Variants in TMEM132D observed in about 807,000 individuals in gnomAD.
TMEM132D encodes mature OL transmembrane protein.
Under a neutral mutation model 62.3 loss-of-function variants are expected in TMEM132D, and 21 were observed. The observed-to-expected ratio is 0.34, with a 90% CI of 0.24 to 0.49. TMEM132D has a LOEUF of 0.49. TMEM132D is among the 20% of genes least tolerant of loss of function. The probability of loss-of-function intolerance (pLI) is 0.99; values close to 1 mark genes in which losing one functional copy is unlikely to be tolerated. For synonymous variants in TMEM132D, 621 were observed against 575.6 expected (o/e 1.08, Z -1.13); for missense variants, 1,346 against 1,402.8 (o/e 0.96, Z 0.65).
chr12:129,596,781 T>A (rs1878349090), intron 2 of TMEM132D, among the ~76,000 whole-genome samples: 1 of 152,046 alleles, frequency 6.6e-6, no homozygotes, highest in Non-Finnish European at 1.5e-5. Flanking sequence ...TTTTTTTTTT[T>A]AAACTCCTGT....
At chr12:129,636,491 C>T (rs1044797942) in intron 2 of TMEM132D, among the ~76,000 whole-genome samples, 1 of 152,124 alleles carries the variant, frequency 6.6e-6, no homozygotes, top group African/African-American at 2.4e-5. Context: ...TGTCCAGAAC[C>T]TGCTTCCTAT....
At chr12:129,787,060 C>T (rs2137295533) in intron 1 of TMEM132D, among the ~76,000 whole-genome samples, 1 of 152,252 alleles carries the variant, frequency 6.6e-6, no homozygotes, top group East Asian at 1.9e-4. Context: ...CTGTGCAGGG[C>T]ACTGGGAGCT....
At chr12:129,641,996 G>C (rs761602648) in intron 2 of TMEM132D, among the ~76,000 whole-genome samples, 28 of 151,992 alleles carry the variant, frequency 1.8e-4, no homozygotes, top group Non-Finnish European at 1.5e-4. Flanking sequence ...ACACTTTACA[G>C]CTCCATCCCA....
chr12:129,873,604 T>C (rs1334048224), intron 1 of TMEM132D, among the ~76,000 whole-genome samples: 1 of 152,314 alleles, frequency 6.6e-6, no homozygotes, highest in African/African-American at 2.4e-5. Flanking sequence ...TCTGTCTTGT[T>C]GAGAATCTTT....
intron 2 of TMEM132D, among the ~76,000 whole-genome samples, chr12:129,639,656 C>A (rs1879591436): frequency 6.6e-6 from 1 of 152,106 alleles, no homozygotes; most frequent in Admixed American, 6.5e-5. Flanking sequence ...CATAAAAGTA[C>A]AAGTCAGGGT....
At chr12:129,185,822 C>A (rs1371004502) in intron 5 of TMEM132D, among the ~76,000 whole-genome samples, 4 of 151,046 alleles carry the variant, frequency 2.6e-5, no homozygotes, top group Non-Finnish European at 5.9e-5. Flanking sequence ...ATCTATCTAT[C>A]TGTTTTTCTC....
chr12:129,521,041 G>C (rs903765726), intron 3 of TMEM132D, among the ~76,000 whole-genome samples: 1 of 152,196 alleles, frequency 6.6e-6, no homozygotes, highest in African/African-American at 2.4e-5. Flanking sequence ...TAACTGAGGA[G>C]ATACTTTCTT....
At chr12:129,757,437 C>G (rs1870205066) in intron 1 of TMEM132D, among the ~76,000 whole-genome samples, 1 of 152,108 alleles carries the variant, frequency 6.6e-6, no homozygotes, top group African/African-American at 2.4e-5. Flanking sequence ...ATGCCAATTA[C>G]TCAAAAATTC....
intron 1 of TMEM132D, among the ~76,000 whole-genome samples, chr12:129,702,705 G>C (rs1409572248): frequency 6.6e-6 from 1 of 152,248 alleles, no homozygotes; most frequent in Non-Finnish European, 1.5e-5. Flanking sequence ...TGATATGCCA[G>C]GGAGCAGAAA....
chr12:129,756,114 A>G (rs1285854122), intron 1 of TMEM132D, among the ~76,000 whole-genome samples: 1 of 152,220 alleles, frequency 6.6e-6, no homozygotes, highest in East Asian at 1.9e-4. Context: ...AGTGGGAGCC[A>G]GGGGATAGAG....
At chr12:129,837,684 T>G (rs555892216) in intron 1 of TMEM132D, among the ~76,000 whole-genome samples, 2 of 152,324 alleles carry the variant, frequency 1.3e-5, no homozygotes, top group African/African-American at 4.8e-5. Context: ...CGATCTGCTG[T>G]TAACATTTTT....
chr12:129,345,022 T>G (rs533389411), intron 3 of TMEM132D, among the ~76,000 whole-genome samples: 1 of 152,290 alleles, frequency 6.6e-6, no homozygotes, highest in East Asian at 1.9e-4. Context: ...GCTTTTTGTT[T>G]CATTTCGCAC....
intron 1 of TMEM132D, among the ~76,000 whole-genome samples, chr12:129,789,620 T>C (rs1565986196): frequency 6.6e-6 from 1 of 152,208 alleles, no homozygotes. Flanking sequence ...GAGAAGACTG[T>C]AGAGGGCATA....
chr12:129,457,669 G>A (rs1006431888), intron 3 of TMEM132D, among the ~76,000 whole-genome samples: 3 of 152,060 alleles, frequency 2.0e-5, no homozygotes, highest in African/African-American at 4.8e-5. Context: ...GAGGCCCCAG[G>A]AAACTTACAA....
At chr12:129,180,057 A>G (rs1320668765) in intron 5 of TMEM132D, among the ~76,000 whole-genome samples, 1 of 151,254 alleles carries the variant, frequency 6.6e-6, no homozygotes, top group African/African-American at 2.4e-5. Context: ...AAAAAGTGAC[A>G]CCATGGAGGT....
intron 4 of TMEM132D, among the ~76,000 whole-genome samples, chr12:129,232,795 C>A (rs776401579): frequency 1.1e-4 from 17 of 151,986 alleles, no homozygotes; most frequent in Non-Finnish European, 1.6e-4. Flanking sequence ...GGGAAGCAGG[C>A]GCGTCTTACA....
intron 1 of TMEM132D, among the ~76,000 whole-genome samples, chr12:129,768,987 C>T (rs1234310561): frequency 6.6e-6 from 1 of 152,152 alleles, no homozygotes; most frequent in Non-Finnish European, 1.5e-5. Flanking sequence ...TGAAAAGCTC[C>T]TCGAGCCCAC....
intron 1 of TMEM132D, among the ~76,000 whole-genome samples, chr12:129,882,729 T>C (rs1306134583): frequency 2.6e-5 from 4 of 152,196 alleles, no homozygotes; most frequent in African/African-American, 9.6e-5. Context: ...ACAATTATTA[T>C]GTCAATTGAA....
intron 4 of TMEM132D, among the ~76,000 whole-genome samples, chr12:129,282,962 A>G (rs1289786494): frequency 6.6e-6 from 1 of 152,154 alleles, no homozygotes; most frequent in Non-Finnish European, 1.5e-5. Context: ...TCCAGAATGC[A>G]TGAGTTTTCT....
Sources: gnomAD v4.1 joint callset for allele counts (sites outside exome capture counted in the v4.1 genomes callset) on GRCh38, gnomAD v4.1.1 for gene constraint, MANE v1.5 for transcripts, NCBI Gene and HGNC (gene_info 2026-07-23, HGNC 2026-07-21) for gene names.